The following NXPE2 variants were observed in gnomAD, a reference collection of about 807,000 sequenced individuals.
The protein encoded by NXPE2 is NXPE family member 2.
NXPE2 carries 34 observed loss-of-function variants against 34.4 expected under a neutral mutation model. The ratio of observed to expected loss-of-function variants is 0.99; its 90% CI spans 0.75 to 1.31. The LOEUF is 1.31. NXPE2 is among the 40% of genes most tolerant of loss of function. The pLI is 0.00. For missense variants in NXPE2, 649 were observed against 672.5 expected (o/e 0.97, Z 0.39); for synonymous variants, 235 against 231.3 (o/e 1.02, Z -0.15).
At chr11:114,784,993 A>G in the NXPE2 span, among the ~76,000 whole-genome samples, 1 of 152,244 alleles carries the variant, frequency 6.6e-6, no homozygotes, top group East Asian at 1.9e-4. Flanking sequence ...AAAAGGAAGC[A>G]AAACTGACCA....
At chr11:114,807,644 G>C in the NXPE2 span, among the ~76,000 whole-genome samples, 2 of 150,204 alleles carry the variant, frequency 1.3e-5, no homozygotes, top group African/African-American at 2.5e-5. Context: ...AGAGCTAACT[G>C]TCCTAAATAT....
chr11:114,774,452 G>A, the NXPE2 span, among the ~76,000 whole-genome samples: 4 of 152,234 alleles, frequency 2.6e-5, no homozygotes, highest in African/African-American at 9.6e-5. Context: ...GCGGCTGCTA[G>A]TCATGATTTT....
At chr11:114,660,780 C>T in the NXPE2 span, among the ~76,000 whole-genome samples, 1 of 151,948 alleles carries the variant, frequency 6.6e-6, no homozygotes, top group Non-Finnish European at 1.5e-5. Context: ...AAAGGCATAC[C>T]ATTTGGATAA....
At chr11:114,750,377 T>G in the NXPE2 span, among the ~76,000 whole-genome samples, 1 of 152,216 alleles carries the variant, frequency 6.6e-6, no homozygotes, top group Admixed American at 6.5e-5. Flanking sequence ...AAAGATTTAC[T>G]GAGCAATATA....
chr11:114,537,576 A>G, the NXPE2 span, among the ~76,000 whole-genome samples: 90,879 of 151,952 alleles, frequency 0.6, 28,966 homozygotes, highest in African/African-American at 0.84. Flanking sequence ...AAGCAACTTC[A>G]GCAAAGTCTC....
At chr11:114,566,156 A>G in the NXPE2 span, among the ~76,000 whole-genome samples, 23 of 152,346 alleles carry the variant, frequency 1.5e-4, no homozygotes, top group African/African-American at 5.5e-4. Context: ...TAGATATGCA[A>G]GTCCTAAGTG....
chr11:114,535,066 G>A, the NXPE2 span, among the ~76,000 whole-genome samples: 3 of 152,220 alleles, frequency 2.0e-5, no homozygotes, highest in Admixed American at 6.5e-5. Flanking sequence ...AAGCCCATCA[G>A]ACTAACAGCT....
At chr11:114,594,505 A>G in the NXPE2 span, among the ~76,000 whole-genome samples, 4 of 152,162 alleles carry the variant, frequency 2.6e-5, no homozygotes, top group Non-Finnish European at 4.4e-5. Context: ...TTATCCTCTC[A>G]CATATTGCTT....
chr11:114,786,880 T>TGC, the NXPE2 span, among the ~76,000 whole-genome samples: 1 of 152,058 alleles, frequency 6.6e-6, no homozygotes, highest in Non-Finnish European at 1.5e-5. Flanking sequence ...ACATACAGCC[T>TGC]CACACACTGC....
the NXPE2 span, among the ~76,000 whole-genome samples, chr11:114,488,941 A>C: frequency 6.6e-6 from 1 of 152,184 alleles, no homozygotes; most frequent in Non-Finnish European, 1.5e-5. Flanking sequence ...GAAAAGATCA[A>C]CAAAATTGAT....
At chr11:114,576,348 G>A in the NXPE2 span, among the ~76,000 whole-genome samples, 1 of 129,930 alleles carries the variant, frequency 7.7e-6, no homozygotes, top group Non-Finnish European at 1.7e-5. Context: ...AACATAAATG[G>A]ATGGGACTTA....
intron 2 of NXPE2, among the ~76,000 whole-genome samples, chr11:114,686,888 ATGTT>A (rs1004018902): frequency 6.6e-6 from 1 of 151,804 alleles, no homozygotes; most frequent in African/African-American, 2.4e-5. Flanking sequence ...AGCATTTCTT[ATGTT>A]TGTTGGCCAT....
the NXPE2 span, among the ~76,000 whole-genome samples, chr11:114,535,381 C>A: frequency 2.0e-5 from 3 of 152,124 alleles, no homozygotes; most frequent in East Asian, 1.9e-4. Context: ...AACTAACGAG[C>A]AAAATAACCA....
the NXPE2 span, among the ~76,000 whole-genome samples, chr11:114,794,426 T>C: frequency 6.6e-6 from 1 of 152,160 alleles, no homozygotes; most frequent in East Asian, 1.9e-4. Context: ...TTCCAGATCA[T>C]CTTGTGGCAT....
At chr11:114,712,148 G>A in the NXPE2 span, among the ~76,000 whole-genome samples, 1 of 152,166 alleles carries the variant, frequency 6.6e-6, no homozygotes, top group Admixed American at 6.5e-5. Context: ...CGGCCTTTTG[G>A]CTAAGATCAA....
chr11:114,760,206 A>C, the NXPE2 span, among the ~76,000 whole-genome samples: 6 of 152,200 alleles, frequency 3.9e-5, no homozygotes, highest in African/African-American at 1.4e-4. Context: ...CAGAGCCCTC[A>C]TAAATGGGAT....
the NXPE2 span, among the ~76,000 whole-genome samples, chr11:114,515,731 C>A: frequency 7.1e-6 from 1 of 140,500 alleles, no homozygotes; most frequent in African/African-American, 3.0e-5. Flanking sequence ...GAGTAAGAGG[C>A]TGTGGTTAGA....
At chr11:114,796,088 G>C in the NXPE2 span, among the ~76,000 whole-genome samples, 1 of 152,176 alleles carries the variant, frequency 6.6e-6, no homozygotes, top group South Asian at 2.1e-4. Flanking sequence ...GCCTTGTTCT[G>C]TCCAATCTGT....
At chr11:114,484,141 C>A in the NXPE2 span, among the ~76,000 whole-genome samples, 2 of 152,142 alleles carry the variant, frequency 1.3e-5, no homozygotes, top group African/African-American at 4.8e-5. Flanking sequence ...CCTAATGTGA[C>A]TCAGCAGCTC....
Sources: gnomAD v4.1 joint callset for allele counts (sites outside exome capture counted in the v4.1 genomes callset) on GRCh38, gnomAD v4.1.1 for gene constraint, MANE v1.5 for transcripts, NCBI Gene and HGNC (gene_info 2026-07-23, HGNC 2026-07-21) for gene names.